NFIB: variants seen among roughly 807,000 people sequenced by gnomAD.
NFIB encodes the protein nuclear factor I B.
A neutral mutation model predicts 61.5 loss-of-function variants in NFIB; 11 were observed. That is an observed-to-expected ratio of 0.18 (90% CI 0.11 to 0.30). The LOEUF is 0.30. Among genes scored for constraint, NFIB ranks in the 10% least tolerant of loss-of-function variants. NFIB has a pLI of 1.00. For missense variants in NFIB, 471 were observed against 608.9 expected (o/e 0.77, Z 2.38); for synonymous variants, 260 against 216.5 (o/e 1.20, Z -1.76).
At chr9:14,230,536 C>T (rs1163420321) in intron 2 of NFIB, among the ~76,000 whole-genome samples, 1 of 152,044 alleles carries the variant, frequency 6.6e-6, no homozygotes, top group African/African-American at 2.4e-5. Flanking sequence ...CCAAATGAAC[C>T]CTGAATTTCA....
At chr9:14,096,136 G>A (rs963702535) in intron 10 of NFIB, among the ~76,000 whole-genome samples, 2 of 152,120 alleles carry the variant, frequency 1.3e-5, no homozygotes, top group Non-Finnish European at 2.9e-5. Flanking sequence ...ACTGGCTGTC[G>A]AGGGAACTGA....
the NFIB span, among the ~76,000 whole-genome samples, chr9:14,492,849 G>A: frequency 1.3e-5 from 2 of 152,202 alleles, no homozygotes; most frequent in Admixed American, 6.5e-5. Flanking sequence ...GTGAGAGGGG[G>A]TGTGTCCACT....
Position 14,168,123 on chromosome 9 carries a change from C to T in NFIB, c.616+11604G>A, listed in dbSNP as rs548019985. ...CTGTAAGTATCTCCGCAGAAGTACCCGCTTTTTCTAGGCCTAGGTCAGGTT... is the reference window on the plus strand; with the variant it reads ...CTGTAAGTATCTCCGCAGAAGTACCTGCTTTTTCTAGGCCTAGGTCAGGTT... On this transcript the variant is annotated intron_variant, in intron 3 of 10. Transcript: ENST00000380953. 7.9e-5 allele frequency among the ~76,000 whole-genome samples: 12 copies of T among 152,260 alleles called. No individual in the cohort carries two copies. The South Asian group carries it at 1.2e-3, about 16-fold the overall frequency.
At chr9:14,490,223 A>G in the NFIB span, among the ~76,000 whole-genome samples, 1 of 152,164 alleles carries the variant, frequency 6.6e-6, no homozygotes, top group Non-Finnish European at 1.5e-5. Flanking sequence ...CATATGAATC[A>G]AAGTGTTTTG....
chr9:14,467,453 G>A, the NFIB span, among the ~76,000 whole-genome samples: 1 of 152,064 alleles, frequency 6.6e-6, no homozygotes, highest in Non-Finnish European at 1.5e-5. Context: ...GGAAGAGGAT[G>A]AAAATAGGCT....
intron 2 of NFIB, among the ~76,000 whole-genome samples, chr9:14,301,919 G>C (rs2059774120): frequency 6.6e-6 from 1 of 152,190 alleles, no homozygotes; most frequent in Admixed American, 6.5e-5. Context: ...GTATGAGCCA[G>C]AATGCAAACA....
At chr9:14,502,104 G>A in the NFIB span, among the ~76,000 whole-genome samples, 1 of 152,174 alleles carries the variant, frequency 6.6e-6, no homozygotes, top group African/African-American at 2.4e-5. Flanking sequence ...TCAGAATCCA[G>A]CACTTAATTG....
the NFIB span, among the ~76,000 whole-genome samples, chr9:14,506,183 A>G: frequency 2.0e-5 from 3 of 152,144 alleles, no homozygotes; most frequent in Non-Finnish European, 2.9e-5. Context: ...AATACACCCA[A>G]CTTCCCATGT....
chr9:14,473,722 A>G, the NFIB span, among the ~76,000 whole-genome samples: 1 of 152,238 alleles, frequency 6.6e-6, no homozygotes, highest in Admixed American at 6.5e-5. Context: ...CTGAACTCCA[A>G]TAGTATTACA....
At chr9:14,433,491 TTC>T in the NFIB span, among the ~76,000 whole-genome samples, 1 of 152,206 alleles carries the variant, frequency 6.6e-6, no homozygotes, top group Non-Finnish European at 1.5e-5. Flanking sequence ...ACAGTTCATT[TTC>T]TCTCTGTCAT....
At chr9:14,160,770 TTCTCAGTGGCTATAAAGAC>T (rs2044073075) in intron 3 of NFIB, among the ~76,000 whole-genome samples, 1 of 149,932 alleles carries the variant, frequency 6.7e-6, no homozygotes. Context: ...CAGAGATAGT[TTCTCAGTGGCTATAAAGAC>T]TCCCACTGGA....
chr9:14,429,736 G>A, the NFIB span, among the ~76,000 whole-genome samples: 5 of 152,280 alleles, frequency 3.3e-5, no homozygotes, highest in East Asian at 9.7e-4. Context: ...CACCTTAGGA[G>A]CGCCGCCTCC....
At chr9:14,508,698 C>G in the NFIB span, among the ~76,000 whole-genome samples, 3,027 of 152,300 alleles carry the variant, frequency 0.02, 99 homozygotes, top group African/African-American at 0.067. Context: ...GATGGTCCGG[C>G]TACATGCCTC....
chr9:14,519,379 C>T, the NFIB span, among the ~76,000 whole-genome samples: 2 of 152,088 alleles, frequency 1.3e-5, no homozygotes, highest in Non-Finnish European at 2.9e-5. Flanking sequence ...AGTAAATACA[C>T]TAAACAGGAG....
the NFIB span, among the ~76,000 whole-genome samples, chr9:14,472,233 G>C: frequency 6.6e-6 from 1 of 152,190 alleles, no homozygotes; most frequent in South Asian, 2.1e-4. Context: ...CAATGCACAT[G>C]TTGCTGTGTG....
chr9:14,303,200 AC>A (rs2059842856), intron 2 of NFIB, among the ~76,000 whole-genome samples: 1 of 152,208 alleles, frequency 6.6e-6, no homozygotes, highest in Admixed American at 6.5e-5. Context: ...AAGTGAGGGA[AC>A]TAGAAATTGC....
chr9:14,342,735 C>G (rs2060966871), intron 1 of NFIB, among the ~76,000 whole-genome samples: 1 of 152,170 alleles, frequency 6.6e-6, no homozygotes. Flanking sequence ...CCCTTCCTCT[C>G]TTGACAAGTT....
intron 2 of NFIB, among the ~76,000 whole-genome samples, chr9:14,249,846 A>G (rs886234320): frequency 1.1e-4 from 16 of 152,138 alleles, no homozygotes; most frequent in African/African-American, 2.9e-4. Context: ...GCCTAGCAAT[A>G]GACAGTGGTG....
intron 2 of NFIB, among the ~76,000 whole-genome samples, chr9:14,303,099 CT>C (rs1183824314): frequency 6.6e-6 from 1 of 152,132 alleles, no homozygotes; most frequent in Non-Finnish European, 1.5e-5. Flanking sequence ...TTCTCTCTCT[CT>C]TTTTAAACAT....
Sources: allele counts gnomAD v4.1 joint callset (sites outside exome capture counted in the v4.1 genomes callset), GRCh38; gene constraint gnomAD v4.1.1; transcripts MANE v1.5; gene names NCBI Gene and HGNC (gene_info 2026-07-23, HGNC 2026-07-21).